Variants in ADAMTS9 observed in about 807,000 individuals in gnomAD.
The protein encoded by ADAMTS9 is A disintegrin and metalloproteinase with thrombospondin motifs 9.
In ADAMTS9, 107 loss-of-function variants were observed where a neutral mutation model predicts 257.1. That is an observed-to-expected ratio of 0.42 (90% CI 0.36 to 0.49). ADAMTS9 has a LOEUF of 0.49. Among genes scored for constraint, ADAMTS9 ranks in the 20% least tolerant of loss-of-function variants. The pLI is 0.03. For synonymous variants in ADAMTS9, 982 were observed against 880.9 expected (o/e 1.11, Z -2.03); for missense variants, 2,353 against 2,469.1 (o/e 0.95, Z 1.00).
At chr3:64,552,311 C>T (rs977328448) in intron 30 of ADAMTS9, among the ~76,000 whole-genome samples, 2 of 152,126 alleles carry the variant, frequency 1.3e-5, no homozygotes, top group Non-Finnish European at 2.9e-5. Context: ...TTTGCTTTAG[C>T]CAACACCAAA....
rs746346751 is a variant in ADAMTS9, at chr3:64,641,826, A to G, written c.1856+22T>C. 18 of 1,612,922 alleles carry G rather than the reference A, an allele frequency of 1.1e-5. No individual in the cohort carries two copies. The African/African-American group carries it at 2.4e-4, about 22-fold the overall frequency. Reference sequence around the variant, plus strand: ...ATGTTCCTGCCACGGCAGTAATAACAGTTATACATTCTAGGACTTACTCTG... The same window carrying G: ...ATGTTCCTGCCACGGCAGTAATAACGGTTATACATTCTAGGACTTACTCTG... On this transcript the variant is annotated intron_variant, in intron 12 of 39. Coordinates refer to ENST00000498707, the MANE Select transcript of ADAMTS9 (RefSeq NM_182920.2).
rs191834270 is a variant in ADAMTS9 at position 64,529,142 on chromosome 3, G to C, written c.5718+4024C>G. Among the ~76,000 whole-genome samples the C allele has an allele frequency of 2.2e-3, 339 of 152,288 alleles. 1 individual carries two copies. Among genetic ancestry groups the C allele is most frequent in the African/African-American group, 7.7e-3 (322 of 41,574 alleles). ...ACAGCACAGCTGGGAGGAAGACACA[G>C]ATTTAATGTATGTAAGCTGCCCAAT... is the stretch of plus-strand genomic sequence containing the variant. On this transcript the variant is annotated intron_variant, in intron 38 of 39. Coordinates refer to ENST00000498707, the MANE Select transcript of ADAMTS9 (RefSeq NM_182920.2).
At chr3:64,565,965 AAGATT>A (rs2083535523) in intron 29 of ADAMTS9, among the ~76,000 whole-genome samples, 1 of 152,208 alleles carries the variant, frequency 6.6e-6, no homozygotes, top group African/African-American at 2.4e-5. Context: ...AGAAACTGTA[AAGATT>A]AGCATGGCTA....
In ADAMTS9 at chr3:64,686,502, C is replaced by T. The variant is rs1474323381; in HGVS notation, c.516+66G>A. ...AGTGAGGGTCTCTAGGCTTAGAGGA[C>T]AATTAAGTCTTCTAGAAGCGGGCGA... On this transcript the variant is annotated intron_variant, in intron 2 of 39. Transcript: ENST00000498707. The surrounding 1 kb of genome is among the most constrained non-coding windows in gnomAD (Gnocchi z 4.6). The T allele has an allele frequency of 3.3e-6, 5 of 1,498,908 alleles. No individual in the cohort carries two copies. The highest frequency in any genetic ancestry group is 2.2e-5 in the Admixed American group (1 of 46,250). The allele number at this position is 1,498,908 out of a possible 1,614,324, so 92.9% of individuals were successfully genotyped here. A position where few individuals can be genotyped will look rare whatever the true frequency, so the allele number is the denominator to read the frequency against.
chr3:64,594,490 T>C, intron 27 of ADAMTS9, 56 bp from the exon 28 acceptor site: 1 of 1,584,838 alleles, frequency 6.3e-7, no homozygotes, highest in South Asian at 1.2e-5. Flanking sequence ...CAATGACAAA[T>C]TTCCTTTCTC....
intron 28 of ADAMTS9, chr3:64,589,344 T>C (rs1157429758): frequency 1.3e-5 from 2 of 152,204 alleles, no homozygotes; most frequent in Non-Finnish European, 2.9e-5. Flanking sequence ...AGGCACATCC[T>C]TTATGGAATA....
At chr3:64,657,927 T>G (rs1006781984) in intron 4 of ADAMTS9, among the ~76,000 whole-genome samples, 1 of 152,020 alleles carries the variant, frequency 6.6e-6, no homozygotes, top group Non-Finnish European at 1.5e-5. Flanking sequence ...AGTAGAAAAA[T>G]AGAATGAAAG....
intron 3 of ADAMTS9, among the ~76,000 whole-genome samples, chr3:64,660,344 G>T (rs1049022323): frequency 1.3e-5 from 2 of 152,192 alleles, no homozygotes; most frequent in African/African-American, 4.8e-5. Flanking sequence ...ATTGCTAAAA[G>T]AATCAGTTTA....
chr3:64,555,138 A>T (rs1055748536), intron 30 of ADAMTS9, among the ~76,000 whole-genome samples: 3 of 152,204 alleles, frequency 2.0e-5, no homozygotes, highest in African/African-American at 7.2e-5. Context: ...GGCAACTCAC[A>T]GAACCACAGG....
chr3:64,634,914 G>C (rs535346493), intron 12 of ADAMTS9, among the ~76,000 whole-genome samples: 1 of 152,174 alleles, frequency 6.6e-6, no homozygotes, highest in South Asian at 2.1e-4. Context: ...TATAGAATGA[G>C]AGGTAGAAAG....
Position 64,568,532 on chromosome 3 carries a change from A to G in ADAMTS9, c.4360T>C (p.Ser1454Pro). 3 of 1,613,530 alleles carry G rather than the reference A, an allele frequency of 1.9e-6. 1 individual carries two copies. The South Asian group carries it at 3.3e-5, about 18-fold the overall frequency. The change falls in exon 29 of 40, where the codon TCT becomes CCT. Residue 1454 changes from serine (S) to proline (P), a missense_variant. Physicochemically the swap from Ser to Pro is moderately conservative, Grantham distance 74 (BLOSUM62 -1). Coordinates refer to ENST00000498707, the MANE Select transcript of ADAMTS9 (RefSeq NM_182920.2). ...TTATGCCCTCGACCACAAGAGACAG[A>G]ACACTGCAATATAAAGCAATGGCAA... ...AWSTGPWSSC[S>P]VSCGRGHKQR...
At chr3:64,610,888 A>C (rs188378375) in intron 22 of ADAMTS9, among the ~76,000 whole-genome samples, 53 of 152,074 alleles carry the variant, frequency 3.5e-4, no homozygotes, top group African/African-American at 1.2e-3. Flanking sequence ...CATCTTGGCT[A>C]ACACGGTGAA....
chr3:64,528,901 C>T (rs540867503), intron 38 of ADAMTS9, among the ~76,000 whole-genome samples: 3 of 151,590 alleles, frequency 2.0e-5, no homozygotes, highest in Admixed American at 6.6e-5. Context: ...AGTTAAATAA[C>T]TTGCCCAAGA....
At chr3:64,614,839 CT>C (rs58885924) in intron 21 of ADAMTS9, 44,988 of 142,562 alleles carry the variant, frequency 0.32, 9,793 homozygotes, top group African/African-American at 0.61. Context: ...CATTTCTTTT[CT>C]TTTTTTTTTT....
chr3:64,567,813 G>T (rs972169370), intron 29 of ADAMTS9, among the ~76,000 whole-genome samples: 1 of 151,546 alleles, frequency 6.6e-6, no homozygotes, highest in Non-Finnish European at 1.5e-5. Flanking sequence ...GCATTAAATC[G>T]TCATAAGAGC....
In ADAMTS9 at chr3:64,601,676, G is replaced by A. The variant is rs191536773; in HGVS notation, c.4017+268C>T. Among the ~76,000 whole-genome samples, 10 of 152,170 alleles carry A rather than the reference G, an allele frequency of 6.6e-5. No individual in the cohort carries two copies. The East Asian group carries it at 1.5e-3, about 24-fold the overall frequency. ...AGGATGAATCCTGATGGTATTTACG[G>A]TACCTCCAGGAGGCCATGTGATCAT... On this transcript the variant is annotated intron_variant, in intron 26 of 39. Transcript: ENST00000498707.
At position 64,522,187 on chromosome 3, in the gene ADAMTS9, T is replaced by G. The variant is rs1260164638; in HGVS notation, c.5792A>C (p.Glu1931Ala). 6.2e-7 allele frequency: 1 copy of G among 1,613,840 alleles called. No homozygotes were observed. Among genetic ancestry groups the G allele is most frequent in the Non-Finnish European group, 8.5e-7 (1 of 1,179,900 alleles). The change falls in exon 39 of 40, where the codon GAG becomes GCG. Residue 1931 changes from glutamate (E) to alanine (A), a missense_variant. Glu to Ala is a moderately radical substitution (Grantham distance 107). Around this residue, in one of 3 missense-constraint regions of ADAMTS9, gnomAD observed 1,402 missense variants for 1,441.4 expected, o/e 0.97. Coordinates refer to ENST00000498707, the MANE Select transcript of ADAMTS9 (RefSeq NM_182920.2). ...TTACCTTAGCTATAAAACTCGCACC[T>G]CCAGGCCAGTACCAGAGGATGGAGT... The part of the protein sequence containing the change: ...KCTPSSGTGL[E>A]VRVL
chr3:64,531,626 C>T (rs918615659), intron 38 of ADAMTS9, among the ~76,000 whole-genome samples: 5 of 152,088 alleles, frequency 3.3e-5, no homozygotes, highest in African/African-American at 1.2e-4. Flanking sequence ...ACCACCATGC[C>T]CAGCTAATTT....
chr3:64,636,410 C>A (rs1700497948), intron 12 of ADAMTS9, among the ~76,000 whole-genome samples: 1 of 152,132 alleles, frequency 6.6e-6, no homozygotes, highest in Non-Finnish European at 1.5e-5. Flanking sequence ...AGGCGAGTTG[C>A]TTAATCTTGC....
Sources: gnomAD v4.1 joint callset for allele counts (sites outside exome capture counted in the v4.1 genomes callset) on GRCh38, gnomAD v4.1.1 for gene constraint, gnomAD v4.1.1 regional missense constraint, Gnocchi (gnomAD v3.1) non-coding constraint, MANE v1.5 for transcripts, NCBI Gene and HGNC (gene_info 2026-07-23, HGNC 2026-07-21) for gene names.